CCDC134: variants seen among roughly 807,000 people sequenced by gnomAD.
The protein encoded by CCDC134 is coiled-coil domain-containing protein 134.
A neutral mutation model predicts 25.6 loss-of-function variants in CCDC134; 27 were observed. The observed-to-expected ratio is 1.05, with a 90% CI of 0.78 to 1.45. The LOEUF (loss-of-function observed/expected upper bound fraction) is 1.45. Among genes scored for constraint, CCDC134 ranks in the 40% most tolerant of loss-of-function variants. CCDC134 has a pLI of 0.00. For missense variants in CCDC134, 261 were observed against 286.7 expected (o/e 0.91, Z 0.65); for synonymous variants, 110 against 115.0 (o/e 0.96, Z 0.28).
In CCDC134 at chr22:41,807,721, C is replaced by G. The variant is rs549302098; in HGVS notation, c.-16-1154C>G. ...CACCAGGAAAGTGAACTTCACAGTG[C>G]TCAATAAATAATTGTGTTGGCTGGG... On this transcript the variant is annotated intron_variant, in intron 1 of 6. Coordinates refer to ENST00000255784, the MANE Select transcript of CCDC134 (RefSeq NM_024821.5). Among the ~76,000 whole-genome samples the G allele has an allele frequency of 1.6e-4, 24 of 152,296 alleles. 1 individual carries two copies. The highest frequency in any genetic ancestry group is 1.3e-3 in the Admixed American group (20 of 15,298).
intron 6 of CCDC134, among the ~76,000 whole-genome samples, chr22:41,821,239 A>T (rs1035717423): frequency 1.4e-4 from 21 of 152,010 alleles, no homozygotes; most frequent in Non-Finnish European, 2.1e-4. Flanking sequence ...GGAACAAAAG[A>T]TTGGATTTCC....
intron 6 of CCDC134, among the ~76,000 whole-genome samples, chr22:41,815,919 G>C (rs1011133491): frequency 7.9e-5 from 12 of 152,180 alleles, no homozygotes; most frequent in Non-Finnish European, 1.8e-4. Context: ...CAAAGTGTTG[G>C]GATTATAGGT....
rs2076685975 is a variant in CCDC134, at chr22:41,827,641, G to A, written c.*1818G>A. 6.6e-6 allele frequency among the ~76,000 whole-genome samples: 1 copy of A among 152,202 alleles called. No individual in the cohort carries two copies. Among genetic ancestry groups the A allele is most frequent in the African/African-American group, 2.4e-5 (1 of 41,458 alleles). On this transcript the variant is annotated 3_prime_UTR_variant, in exon 7 of 7. Coordinates refer to ENST00000255784, the MANE Select transcript of CCDC134 (RefSeq NM_024821.5). ...AGGTACACCCTATGTAAATGGAAAG[G>A]ATGAAGTAAATTTACAAATTCATTT...
intron 1 of CCDC134, among the ~76,000 whole-genome samples, chr22:41,801,738 G>A (rs1441450860): frequency 2.0e-5 from 3 of 152,056 alleles, no homozygotes; most frequent in South Asian, 4.1e-4. Context: ...CTGTATTCCC[G>A]CCTCTAGAAC....
chr22:41,808,614 C>G (rs759354202), intron 1 of CCDC134, among the ~76,000 whole-genome samples: 1 of 152,232 alleles, frequency 6.6e-6, no homozygotes, highest in African/African-American at 2.4e-5. Context: ...CAGCCTAGAG[C>G]TCTAGCCACT....
rs748287551 is a variant in CCDC134, at chr22:41,813,336, A to C, written c.383A>C (p.Tyr128Ser). The stretch of plus-strand genomic sequence containing the variant: ...CTGCGCTTCCCGAGGATTGTGCACT[A>C]TTACTTTGACCACAACTCCAACTGG... The part of the protein sequence containing the change: ...VVLRFPRIVH[Y>S]YFDHNSNWNL... The change falls in exon 5 of 7, where the codon TAT (tyrosine) becomes TCT (serine). Residue 128 changes from tyrosine to serine, a missense_variant. Coordinates refer to ENST00000255784, the MANE Select transcript of CCDC134 (RefSeq NM_024821.5). 3 of 1,614,110 alleles carry C rather than the reference A, an allele frequency of 1.9e-6. No individual in the cohort carries two copies. In the South Asian group the frequency reaches 3.3e-5, roughly 18 times the overall value.
chr22:41,831,996 T>G lies in CCDC134; in HGVS notation c.*6173T>G, dbSNP rs1021080567. On this transcript the variant is annotated 3_prime_UTR_variant, in exon 7 of 7. Transcript: ENST00000255784. The stretch of plus-strand genomic sequence containing the variant: ...TAGAACAATTAACCCAAGGTCACAG[T>G]GAATTAGTGGATCCATGTGTCTGCC... 19 of 152,318 alleles carry G rather than the reference T, an allele frequency of 1.2e-4. 2 individuals carry two copies. Among genetic ancestry groups the G allele is most frequent in the Admixed American group, 1.0e-3 (16 of 15,294 alleles). The allele number at this position is 152,318 out of a possible 1,614,324, so 9.4% of individuals were successfully genotyped here. A position where few individuals can be genotyped will look rare whatever the true frequency, so the allele number is the denominator to read the frequency against.
At chr22:41,813,963 A>C (rs1207398290) in intron 6 of CCDC134, 141 bp downstream of exon 6, 10 of 673,922 alleles carry the variant, frequency 1.5e-5, no homozygotes, top group Non-Finnish European at 2.6e-5. Flanking sequence ...GATATCACTG[A>C]CTCATTGGAG....
chr22:41,830,631 A>G lies in CCDC134; in HGVS notation c.*4808A>G, dbSNP rs1374682189. Among the ~76,000 whole-genome samples, 1 of 152,220 alleles carries G rather than the reference A, an allele frequency of 6.6e-6. No homozygotes were observed. Among genetic ancestry groups the G allele is most frequent in the Non-Finnish European group, 1.5e-5 (1 of 68,032 alleles). On this transcript the variant is annotated 3_prime_UTR_variant, in exon 7 of 7. Coordinates refer to ENST00000255784, the MANE Select transcript of CCDC134 (RefSeq NM_024821.5). ...ATACCAGCCTCCCTGTGTGTGAACA[A>G]TGACGAGAACAATGTTGTCTTGCTT...
At chr22:41,807,243 C>T (rs958474486) in intron 1 of CCDC134, among the ~76,000 whole-genome samples, 2 of 151,986 alleles carry the variant, frequency 1.3e-5, no homozygotes, top group African/African-American at 4.8e-5. Context: ...AGTGTCAGGC[C>T]GTAACAGCAG....
intron 3 of CCDC134, 35 bp from the exon 4 acceptor site, chr22:41,810,172 T>C: frequency 1.2e-6 from 2 of 1,609,916 alleles, no homozygotes; most frequent in Non-Finnish European, 1.7e-6. Flanking sequence ...TGATGGGCAC[T>C]GCGAAGCCAC....
intron 6 of CCDC134, among the ~76,000 whole-genome samples, chr22:41,814,522 G>A (rs1413702964): frequency 5.3e-5 from 8 of 151,738 alleles, no homozygotes; most frequent in Admixed American, 1.3e-4. Context: ...AGCTGAGATC[G>A]TGCCATTGCA....
At chr22:41,815,352 C>G (rs1231620161) in intron 6 of CCDC134, among the ~76,000 whole-genome samples, 3 of 151,386 alleles carry the variant, frequency 2.0e-5, no homozygotes, top group Non-Finnish European at 4.4e-5. Flanking sequence ...ACTACAGGCG[C>G]CCGCCACCAC....
intron 6 of CCDC134, among the ~76,000 whole-genome samples, chr22:41,820,689 C>T (rs2076647390): frequency 6.6e-6 from 1 of 152,180 alleles, no homozygotes; most frequent in Admixed American, 6.5e-5. Context: ...TTAAGCATGA[C>T]TAGAAGACTT....
At position 41,809,880 on chromosome 22, in the gene CCDC134, CAAG is replaced by C. The variant is rs748371401; in HGVS notation, c.110_112del (p.Lys37del). The C allele has an allele frequency of 2.5e-6, 4 of 1,614,132 alleles. No individual in the cohort carries two copies. Among genetic ancestry groups the C allele is most frequent in the Middle Eastern group, 1.6e-4 (1 of 6,062 alleles). On this transcript the variant is annotated inframe_deletion and splice_region_variant, in exon 3 of 7. Coordinates refer to ENST00000255784, the MANE Select transcript of CCDC134 (RefSeq NM_024821.5). ...GCCCCTTAACTTAATTCTGCCCAGA[CAAG>C]AAGATGTTTGAGGTGAAGCGGCGGG... is the stretch of plus-strand genomic sequence containing the variant.
intron 5 of CCDC134, 41 bp from the exon 6 acceptor site, chr22:41,813,710 C>T: frequency 6.3e-7 from 1 of 1,585,050 alleles, no homozygotes; most frequent in Non-Finnish European, 8.7e-7. Flanking sequence ...GAGCAGGACT[C>T]AGGAGAAGGC....
intron 1 of CCDC134, among the ~76,000 whole-genome samples, chr22:41,804,745 T>C (rs1313787727): frequency 1.3e-5 from 2 of 152,190 alleles, no homozygotes; most frequent in Admixed American, 1.3e-4. Flanking sequence ...AAAGCCCTGG[T>C]AATATAAGCA....
chr22:41,821,058 C>T (rs534812368), intron 6 of CCDC134, among the ~76,000 whole-genome samples: 1 of 152,190 alleles, frequency 6.6e-6, no homozygotes, highest in African/African-American at 2.4e-5. Context: ...GTGGCCGACC[C>T]AAGAGTTTCC....
intron 6 of CCDC134, among the ~76,000 whole-genome samples, chr22:41,818,943 G>A (rs535493680): frequency 2.6e-4 from 40 of 152,314 alleles, no homozygotes; most frequent in Middle Eastern, 6.8e-3. Context: ...AAACGCAGGA[G>A]GAGGGTGACA....
Sources: allele counts gnomAD v4.1 joint callset (sites outside exome capture counted in the v4.1 genomes callset), GRCh38; gene constraint gnomAD v4.1.1; transcripts MANE v1.5; gene names NCBI Gene and HGNC (gene_info 2026-07-23, HGNC 2026-07-21).